The following SNTG1 variants were observed in gnomAD, a reference collection of about 807,000 sequenced individuals.
SNTG1 encodes the protein syntrophin gamma 1, also known as gamma-1-syntrophin.
SNTG1 carries 39 observed loss-of-function variants against 74.7 expected under a neutral mutation model. The ratio of observed to expected loss-of-function variants is 0.52; its 90% CI spans 0.40 to 0.68. The LOEUF (loss-of-function observed/expected upper bound fraction) is 0.68, where lower values mean the gene tolerates loss of function less well. Among genes scored for constraint, SNTG1 ranks in the 30% least tolerant of loss-of-function variants. The pLI is 0.00. For missense variants in SNTG1, 685 were observed against 609.5 expected (o/e 1.12, Z -1.30); for synonymous variants, 254 against 217.1 (o/e 1.17, Z -1.49).
chr8:50,098,365 G>A (rs1405345357), intron 1 of SNTG1, among the ~76,000 whole-genome samples: 5 of 152,108 alleles, frequency 3.3e-5, no homozygotes, highest in Non-Finnish European at 2.9e-5. Flanking sequence ...TGAAAATATT[G>A]AAAAACTAAA....
At chr8:50,435,189 C>T (rs1004713043) in intron 4 of SNTG1, among the ~76,000 whole-genome samples, 3 of 151,682 alleles carry the variant, frequency 2.0e-5, no homozygotes, top group Non-Finnish European at 4.4e-5. Context: ...TTATACAGTC[C>T]GATATTAATC....
At chr8:50,017,743 G>T (rs191631515) in intron 1 of SNTG1, among the ~76,000 whole-genome samples, 3 of 151,846 alleles carry the variant, frequency 2.0e-5, no homozygotes, top group Admixed American at 6.6e-5. Context: ...TACAAATAAG[G>T]CCTCAAATTT....
At chr8:50,300,126 G>T (rs571948988) in intron 2 of SNTG1, among the ~76,000 whole-genome samples, 2 of 152,160 alleles carry the variant, frequency 1.3e-5, no homozygotes, top group East Asian at 1.9e-4. Flanking sequence ...CCAATAATCT[G>T]CCCAAGTTTG....
chr8:50,736,059 A>G (rs928392908), intron 17 of SNTG1, among the ~76,000 whole-genome samples: 3 of 151,942 alleles, frequency 2.0e-5, no homozygotes, highest in African/African-American at 4.8e-5. Context: ...TCTTTTACAA[A>G]CAAGCAAATG....
intron 1 of SNTG1, among the ~76,000 whole-genome samples, chr8:50,152,172 G>T (rs961750061): frequency 1.3e-5 from 2 of 151,976 alleles, no homozygotes; most frequent in Non-Finnish European, 2.9e-5. Flanking sequence ...GGCCTTCTTT[G>T]TCTCTTTTGA....
At chr8:50,493,528 TATTTTGGGCACCTTCCTA>T (rs2093876807) in intron 8 of SNTG1, among the ~76,000 whole-genome samples, 1 of 152,154 alleles carries the variant, frequency 6.6e-6, no homozygotes, top group African/African-American at 2.4e-5. Flanking sequence ...GAGACTTCTG[TATTTTGGGCACCTTCCTA>T]ATACGCTTTA....
intron 1 of SNTG1, among the ~76,000 whole-genome samples, chr8:50,125,626 T>C (rs1440275645): frequency 7.0e-6 from 1 of 141,986 alleles, no homozygotes; most frequent in Non-Finnish European, 1.6e-5. Flanking sequence ...ATTCACACTA[T>C]GTCCTAAGAA....
chr8:49,948,382 C>T (rs902011626), intron 1 of SNTG1, among the ~76,000 whole-genome samples: 4 of 152,206 alleles, frequency 2.6e-5, no homozygotes, highest in South Asian at 2.1e-4. Context: ...AAAATTGTTT[C>T]GATTTTCTCT....
intron 5 of SNTG1, among the ~76,000 whole-genome samples, chr8:50,439,389 C>T (rs1293577643): frequency 1.3e-5 from 2 of 151,998 alleles, no homozygotes; most frequent in East Asian, 3.9e-4. Context: ...TTCAAGTACA[C>T]ATTGCTTGAA....
intron 2 of SNTG1, among the ~76,000 whole-genome samples, chr8:50,341,048 A>G (rs1053027917): frequency 6.6e-6 from 1 of 151,868 alleles, no homozygotes; most frequent in Non-Finnish European, 1.5e-5. Flanking sequence ...AGATTGTTTG[A>G]GTTTTACTTA....
intron 1 of SNTG1, among the ~76,000 whole-genome samples, chr8:50,137,791 C>T (rs950233754): frequency 6.6e-5 from 10 of 152,234 alleles, no homozygotes; most frequent in Non-Finnish European, 2.9e-5. Context: ...AGAGATTGCA[C>T]TGGACACTGA....
rs549394118 is a variant in SNTG1, at chr8:50,599,117, A to T, written c.849+8200A>T. Among the ~76,000 whole-genome samples, 14 of 152,118 alleles carry T rather than the reference A, an allele frequency of 9.2e-5. No homozygotes were observed. The South Asian group carries it at 2.7e-3, about 29-fold the overall frequency. On this transcript the variant is annotated intron_variant, in intron 13 of 18. Transcript: ENST00000642720. ...TTTCCCAGCACCATTGATTGAAGAG[A>T]CTGTCATTTCCGCCAATGTATATTC...
intron 4 of SNTG1, among the ~76,000 whole-genome samples, chr8:50,419,725 A>G (rs1175777869): frequency 2.6e-5 from 4 of 152,198 alleles, no homozygotes; most frequent in African/African-American, 9.7e-5. Flanking sequence ...CAAATCTGAA[A>G]TGATACAGAT....
intron 13 of SNTG1, among the ~76,000 whole-genome samples, chr8:50,628,991 T>A (rs2094976817): frequency 6.6e-6 from 1 of 152,160 alleles, no homozygotes; most frequent in Non-Finnish European, 1.5e-5. Context: ...AAGTACTACA[T>A]GATCTCATTT....
intron 1 of SNTG1, among the ~76,000 whole-genome samples, chr8:49,920,682 T>C (rs997170823): frequency 5.3e-5 from 8 of 152,104 alleles, no homozygotes; most frequent in Admixed American, 3.9e-4. Context: ...TTGATCTTAA[T>C]CTTATACAAA....
In SNTG1 at chr8:49,968,321, C is replaced by A. The variant is rs537512284; in HGVS notation, c.-103+56090C>A. 1.6e-3 allele frequency among the ~76,000 whole-genome samples: 237 copies of A among 152,260 alleles called. 3 individuals are homozygous for A. Among genetic ancestry groups the A allele is most frequent in the African/African-American group, 5.5e-3 (228 of 41,556 alleles). ...AATTTCAGCACCTTCTCTTCCCCCC[C>A]AATTATGGTGTATTTTGTCTCATGT... On this transcript the variant is annotated intron_variant, in intron 1 of 18. Coordinates refer to ENST00000642720, the MANE Select transcript of SNTG1 (RefSeq NM_018967.5).
At chr8:50,600,674 T>C (rs2094766235) in intron 13 of SNTG1, among the ~76,000 whole-genome samples, 1 of 152,096 alleles carries the variant, frequency 6.6e-6, no homozygotes. Context: ...TATTTGGTTC[T>C]TCTTTCTTTT....
intron 8 of SNTG1, among the ~76,000 whole-genome samples, chr8:50,470,967 A>T (rs1030493087): frequency 3.9e-5 from 6 of 152,142 alleles, no homozygotes; most frequent in African/African-American, 1.4e-4. Flanking sequence ...ATATTTACAG[A>T]GTGCTGATTG....
At chr8:49,939,148 A>G (rs1808448024) in intron 1 of SNTG1, among the ~76,000 whole-genome samples, 1 of 151,892 alleles carries the variant, frequency 6.6e-6, no homozygotes, top group African/African-American at 2.4e-5. Context: ...ATTTATACTT[A>G]CTCTTTCCAC....
Sources: gnomAD v4.1 joint callset for allele counts (sites outside exome capture counted in the v4.1 genomes callset) on GRCh38, gnomAD v4.1.1 for gene constraint, MANE v1.5 for transcripts, NCBI Gene and HGNC (gene_info 2026-07-23, HGNC 2026-07-21) for gene names.